The following EVC2 variants were observed in gnomAD, a reference collection of about 807,000 sequenced individuals.
The protein encoded by EVC2 is limbin.
In EVC2, 148 loss-of-function variants were observed where a neutral mutation model predicts 149.3. That is an observed-to-expected ratio of 0.99 (90% CI 0.87 to 1.14). EVC2 has a LOEUF of 1.14. Ranked by LOEUF, EVC2 falls within the 50% of genes most tolerant of loss-of-function variation. The pLI is 0.00. For missense variants in EVC2, 1,854 were observed against 1,627.3 expected (o/e 1.14, Z -2.40); for synonymous variants, 776 against 649.9 (o/e 1.19, Z -2.95).
the EVC2 span, among the ~76,000 whole-genome samples, chr4:5,537,489 G>C: frequency 6.6e-6 from 1 of 152,192 alleles, no homozygotes; most frequent in African/African-American, 2.4e-5. Flanking sequence ...GACTCAGAAC[G>C]ATCTTGTCTC....
At chr4:5,659,097 G>A (rs561953080) in intron 9 of EVC2, among the ~76,000 whole-genome samples, 17 of 152,200 alleles carry the variant, frequency 1.1e-4, no homozygotes, top group Admixed American at 3.9e-4. Flanking sequence ...CGCACACCTC[G>A]GAAATGCTCT....
intron 9 of EVC2, among the ~76,000 whole-genome samples, chr4:5,654,491 T>C (rs1021162644): frequency 2.0e-5 from 3 of 152,188 alleles, no homozygotes. Flanking sequence ...GCTTCTCCGT[T>C]CCCTAAGGCG....
chr4:5,598,839 C>A (rs554103621), intron 16 of EVC2, among the ~76,000 whole-genome samples: 2 of 152,222 alleles, frequency 1.3e-5, no homozygotes, highest in Admixed American at 1.3e-4. Flanking sequence ...AGGCTAATAT[C>A]CAGAATCTAC....
intron 16 of EVC2, among the ~76,000 whole-genome samples, chr4:5,605,711 C>T (rs76526316): frequency 0.018 from 2,775 of 152,270 alleles, 73 homozygotes; most frequent in African/African-American, 0.064. Flanking sequence ...GAGTGACAGC[C>T]TTACAGTCCA....
At chr4:5,659,138 A>G (rs1483562076) in intron 9 of EVC2, among the ~76,000 whole-genome samples, 1 of 152,218 alleles carries the variant, frequency 6.6e-6, no homozygotes, top group Non-Finnish European at 1.5e-5. Flanking sequence ...GGATAGAGCA[A>G]AGTTACAGCT....
rs191252585 is a variant in EVC2, at chr4:5,568,371, T to C, written c.3557+73A>G. 4.2e-6 allele frequency: 6 copies of C among 1,438,490 alleles called. No homozygotes were observed. The African/African-American group carries it at 7.1e-5, about 17-fold the overall frequency. The allele number at this position is 1,438,490 out of a possible 1,614,324, so 89.1% of individuals were successfully genotyped here. On this transcript the variant is annotated intron_variant, in intron 20 of 21. Transcript: ENST00000344408. ...ATGGACAAAATACATGGGCCTCCCA[T>C]GACCTTGAGGACTCATGGGGACCCT...
intron 1 of EVC2, among the ~76,000 whole-genome samples, chr4:5,704,301 C>T (rs1181287150): frequency 6.6e-6 from 1 of 152,148 alleles, no homozygotes; most frequent in East Asian, 1.9e-4. Flanking sequence ...GAAACCCATG[C>T]GATATGCTGA....
At chr4:5,570,202 C>T (rs929067587) in intron 19 of EVC2, among the ~76,000 whole-genome samples, 3 of 152,172 alleles carry the variant, frequency 2.0e-5, no homozygotes, top group African/African-American at 7.2e-5. Context: ...AGCACTTAAC[C>T]CCATTCCTGG....
intron 16 of EVC2, among the ~76,000 whole-genome samples, chr4:5,612,400 C>T (rs945719885): frequency 6.6e-6 from 1 of 152,116 alleles, no homozygotes; most frequent in Non-Finnish European, 1.5e-5. Flanking sequence ...AAGGAATGTG[C>T]TTAGTTCCTT....
intron 1 of EVC2, among the ~76,000 whole-genome samples, chr4:5,703,359 T>C (rs185701901): frequency 6.6e-6 from 1 of 152,342 alleles, no homozygotes; most frequent in East Asian, 1.9e-4. Flanking sequence ...GGAATGTGAA[T>C]CTGAAAGCTG....
downstream of EVC2, among the ~76,000 whole-genome samples, chr4:5,558,732 T>C (rs1296827905): frequency 2.0e-5 from 3 of 152,190 alleles, no homozygotes; most frequent in Non-Finnish European, 2.9e-5. Flanking sequence ...GTGAAGTCTT[T>C]AAATGCAAAA....
Position 5,615,525 on chromosome 4 carries a change from T to C in EVC2, c.2726A>G (p.Lys909Arg). 1 of 1,614,220 alleles carries C rather than the reference T, an allele frequency of 6.2e-7. No individual in the cohort carries two copies. The highest frequency in any genetic ancestry group is 2.2e-5 in the East Asian group (1 of 44,886). The change falls in exon 16 of 22, where the codon AAG becomes AGG. Residue 909 changes from lysine (K) to arginine (R), a missense_variant. Lys to Arg is a conservative substitution (Grantham distance 26). Coordinates refer to ENST00000344408, the MANE Select transcript of EVC2 (RefSeq NM_147127.5). Reference protein sequence around the residue: ...PELQQQSKVRKSRSKSKSKGE... With the variant: ...PELQQQSKVRRSRSKSKSKGE... ...CTTGCTTTTACTCTTGGACCGTGAC[T>C]TTCTCACCTTGGACTGTTGCTGGAG...
chr4:5,555,534 G>C (rs991488225), intron 21 of EVC2, among the ~76,000 whole-genome samples: 2 of 152,104 alleles, frequency 1.3e-5, no homozygotes, highest in African/African-American at 4.8e-5. Flanking sequence ...CCAGACTTCA[G>C]AACAAGGAAA....
intron 9 of EVC2, among the ~76,000 whole-genome samples, chr4:5,662,896 T>C (rs1017993651): frequency 1.4e-4 from 22 of 151,958 alleles, no homozygotes; most frequent in Non-Finnish European, 2.9e-5. Context: ...TCTTTCCTAC[T>C]AGATCAGACT....
intron 1 of EVC2, 30 bp downstream of exon 1, chr4:5,708,256 G>T: frequency 1.4e-6 from 2 of 1,467,084 alleles, no homozygotes; most frequent in South Asian, 2.7e-5. Flanking sequence ...ACTACAGTCA[G>T]ACCGGAGCCT....
Position 5,708,538 on chromosome 4 carries a change from A to C in EVC2, c.-25T>G. The C allele has an allele frequency of 3.6e-6, 5 of 1,397,788 alleles. No homozygotes were observed. Among genetic ancestry groups the C allele is most frequent in the South Asian group, 1.5e-5 (1 of 67,108 alleles). The allele number at this position is 1,397,788 out of a possible 1,614,324, so 86.6% of individuals were successfully genotyped here. Reference sequence around the variant, plus strand: ...TCGCCTGTCGGGACCCGCTACCTCAAAGCGGCGGGTGCCGCCGAGTCGCTG... The same window carrying C: ...TCGCCTGTCGGGACCCGCTACCTCACAGCGGCGGGTGCCGCCGAGTCGCTG... On this transcript the variant is annotated 5_prime_UTR_variant, in exon 1 of 22. Transcript: ENST00000344408.
chr4:5,634,908 C>A (rs933575660), intron 10 of EVC2, among the ~76,000 whole-genome samples: 2 of 152,112 alleles, frequency 1.3e-5, no homozygotes, highest in African/African-American at 4.8e-5. Context: ...GCCTCCACCC[C>A]GTCCACCAAA....
intron 9 of EVC2, among the ~76,000 whole-genome samples, chr4:5,642,493 T>A (rs1409282907): frequency 1.3e-5 from 2 of 152,254 alleles, no homozygotes; most frequent in Non-Finnish European, 2.9e-5. Context: ...ATTCAATGAC[T>A]ATTCTTCTAT....
intron 16 of EVC2, among the ~76,000 whole-genome samples, chr4:5,593,140 T>G (rs1191476414): frequency 6.6e-6 from 1 of 152,168 alleles, no homozygotes; most frequent in African/African-American, 2.4e-5. Context: ...TGCAGAACCG[T>G]GAATCAATTA....
Sources: allele counts gnomAD v4.1 joint callset (sites outside exome capture counted in the v4.1 genomes callset), GRCh38; gene constraint gnomAD v4.1.1; transcripts MANE v1.5; gene names NCBI Gene and HGNC (gene_info 2026-07-23, HGNC 2026-07-21).